CCSER1: variants seen among roughly 807,000 people sequenced by gnomAD.
CCSER1 encodes the protein coiled-coil serine rich protein 1.
Under a neutral mutation model 82.0 loss-of-function variants are expected in CCSER1, and 41 were observed. The observed-to-expected ratio is 0.50, with a 90% CI of 0.39 to 0.65. The LOEUF (loss-of-function observed/expected upper bound fraction) is 0.65. CCSER1 is among the 30% of genes least tolerant of loss of function. CCSER1 has a pLI of 0.00. For missense variants in CCSER1, 1,119 were observed against 1,064.2 expected, an observed-to-expected ratio of 1.05 and a Z score of -0.72; for synonymous variants, 414 against 383.9, an observed-to-expected ratio of 1.08 and a Z score of -0.92.
In CCSER1 at chr4:91,600,427, T is replaced by C. The variant is rs771983616; in HGVS notation, c.*1370T>C. The C allele has an allele frequency of 6.6e-6, 1 of 152,164 alleles. No homozygotes were observed. Among genetic ancestry groups the C allele is most frequent in the Non-Finnish European group, 1.5e-5 (1 of 68,010 alleles). The allele number at this position is 152,164 out of a possible 1,614,324, so 9.4% of individuals were successfully genotyped here. A position where few individuals can be genotyped will look rare whatever the true frequency, so the allele number is the denominator to read the frequency against. On this transcript the variant is annotated 3_prime_UTR_variant, in exon 11 of 11. Coordinates refer to ENST00000509176, the MANE Select transcript of CCSER1 (RefSeq NM_001145065.2). ...CTGTTAAGTACATCCACATTAGCCA[T>C]AGTCCATGCAAATTGAAACTGTCAT...
At chr4:90,997,543 A>G (rs1317322069) in intron 9 of CCSER1, among the ~76,000 whole-genome samples, 2 of 152,202 alleles carry the variant, frequency 1.3e-5, no homozygotes, top group Non-Finnish European at 2.9e-5. Context: ...TTTGGGGGAT[A>G]GGAGCAGAGA....
At chr4:91,376,827 A>G (rs1012293800) in intron 10 of CCSER1, among the ~76,000 whole-genome samples, 2 of 152,112 alleles carry the variant, frequency 1.3e-5, no homozygotes, top group Admixed American at 1.3e-4. Flanking sequence ...TTACATATGT[A>G]TACATGTGCC....
At chr4:91,452,571 C>G (rs1955376) in intron 10 of CCSER1, among the ~76,000 whole-genome samples, 15,649 of 152,032 alleles carry the variant, frequency 0.1, 983 homozygotes, top group Middle Eastern at 0.19. Context: ...ATGATACAGC[C>G]AAAGTGATAA....
At chr4:90,882,903 G>T (rs1365297073) in intron 8 of CCSER1, among the ~76,000 whole-genome samples, 1 of 151,876 alleles carries the variant, frequency 6.6e-6, no homozygotes, top group Admixed American at 6.6e-5. Flanking sequence ...TTTATCAAGC[G>T]CTTCATGTTT....
intron 10 of CCSER1, among the ~76,000 whole-genome samples, chr4:91,325,934 A>G (rs998866027): frequency 6.6e-6 from 1 of 152,162 alleles, no homozygotes; most frequent in African/African-American, 2.4e-5. Context: ...TCAAATTAGA[A>G]ATGAACGTCC....
intron 9 of CCSER1, among the ~76,000 whole-genome samples, chr4:90,978,232 A>T (rs965744513): frequency 6.6e-6 from 1 of 151,702 alleles, no homozygotes; most frequent in African/African-American, 2.4e-5. Flanking sequence ...TGCGTCACTT[A>T]ATCATTTATA....
intron 10 of CCSER1, among the ~76,000 whole-genome samples, chr4:91,298,510 G>A (rs909919043): frequency 1.3e-5 from 2 of 151,940 alleles, no homozygotes; most frequent in African/African-American, 2.4e-5. Context: ...AACACATGCT[G>A]TACTCTGATG....
In CCSER1 at chr4:90,288,153, T is replaced by A. The variant is rs116451872; in HGVS notation, c.-41-20091T>A. Among the ~76,000 whole-genome samples, 373 of 151,700 alleles carry A rather than the reference T, an allele frequency of 2.5e-3. 1 individual carries two copies. The highest frequency in any genetic ancestry group is 8.3e-3 in the African/African-American group (343 of 41,182). ...TGCAATAGAATCCTAACTGGGTGGC[T>A]AGTTTTGGCAATCAATCCTGTACAA... On this transcript the variant is annotated intron_variant, in intron 1 of 10. Coordinates refer to ENST00000509176, the MANE Select transcript of CCSER1 (RefSeq NM_001145065.2).
At chr4:91,411,487 T>TATAC (rs1223451214) in intron 10 of CCSER1, among the ~76,000 whole-genome samples, 16 of 52,850 alleles carry the variant, frequency 3.0e-4, no homozygotes, top group African/African-American at 7.9e-4. Flanking sequence ...TTTCTGCATA[T>TATAC]ATACATATAT....
chr4:91,170,649 C>A (rs1435571821), intron 10 of CCSER1, among the ~76,000 whole-genome samples: 1 of 152,098 alleles, frequency 6.6e-6, no homozygotes. Flanking sequence ...GTAGAAGAAA[C>A]TCAAAAATCA....
intron 5 of CCSER1, among the ~76,000 whole-genome samples, chr4:90,510,425 T>C (rs1771333404): frequency 6.6e-6 from 1 of 152,200 alleles, no homozygotes; most frequent in Non-Finnish European, 1.5e-5. Context: ...AAGTAGAAAC[T>C]ATAACATTAA....
intron 7 of CCSER1, among the ~76,000 whole-genome samples, chr4:90,791,300 A>C (rs1391654336): frequency 6.6e-6 from 1 of 152,204 alleles, no homozygotes; most frequent in African/African-American, 2.4e-5. Context: ...CAGCTAAACC[A>C]CAGCAGTGGG....
chr4:90,471,729 C>G (rs192994246), intron 5 of CCSER1, among the ~76,000 whole-genome samples: 11 of 151,252 alleles, frequency 7.3e-5, no homozygotes, highest in African/African-American at 2.2e-4. Context: ...TAATCCCGCA[C>G]TTTGGGAGGC....
intron 7 of CCSER1, among the ~76,000 whole-genome samples, chr4:90,742,291 C>T (rs564779189): frequency 2.0e-5 from 3 of 152,282 alleles, no homozygotes; most frequent in African/African-American, 7.2e-5. Context: ...ACCATATCAT[C>T]TACTTAAATA....
intron 9 of CCSER1, among the ~76,000 whole-genome samples, chr4:90,942,140 G>T (rs11933061): frequency 0.011 from 1,683 of 152,016 alleles, 41 homozygotes; most frequent in African/African-American, 0.038. Flanking sequence ...TGTAGAGATG[G>T]GGTTTCACCA....
intron 1 of CCSER1, among the ~76,000 whole-genome samples, chr4:90,136,471 A>T (rs1415434282): frequency 1.3e-5 from 2 of 152,224 alleles, no homozygotes; most frequent in Admixed American, 6.5e-5. Flanking sequence ...AAGTTGTTGT[A>T]TTTATGTACC....
At chr4:90,826,239 C>T (rs578252557) in intron 8 of CCSER1, among the ~76,000 whole-genome samples, 2 of 152,274 alleles carry the variant, frequency 1.3e-5, no homozygotes, top group East Asian at 3.9e-4. Context: ...ACATGAATGA[C>T]TCCATTTTGG....
At chr4:91,100,742 A>G (rs1014566189) in intron 10 of CCSER1, among the ~76,000 whole-genome samples, 9 of 152,178 alleles carry the variant, frequency 5.9e-5, no homozygotes, top group South Asian at 2.1e-4. Flanking sequence ...CACATCCTAT[A>G]TATGTTCTGG....
At chr4:91,055,424 G>A (rs1743359826) in intron 9 of CCSER1, among the ~76,000 whole-genome samples, 1 of 152,048 alleles carries the variant, frequency 6.6e-6, no homozygotes, top group Non-Finnish European at 1.5e-5. Flanking sequence ...AGGATTCTTG[G>A]CTTACAGGTC....
Sources: gnomAD v4.1 joint callset for allele counts (sites outside exome capture counted in the v4.1 genomes callset) on GRCh38, gnomAD v4.1.1 for gene constraint, MANE v1.5 for transcripts, NCBI Gene and HGNC (gene_info 2026-07-23, HGNC 2026-07-21) for gene names.